The following GLT1D1 variants were observed in gnomAD, a reference collection of about 807,000 sequenced individuals.
GLT1D1 encodes glycosyltransferase 1 domain containing 1.
GLT1D1 carries 21 observed loss-of-function variants against 28.7 expected under a neutral mutation model. The observed-to-expected ratio is 0.73, with a 90% CI of 0.52 to 1.05. GLT1D1 has a LOEUF of 1.05. Ranked by LOEUF, GLT1D1 falls within the 50% of genes least tolerant of loss-of-function variation. The pLI, the probability that GLT1D1 is intolerant of heterozygous loss-of-function variation, is 0.00. For missense variants in GLT1D1, 343 were observed against 330.6 expected (o/e 1.04, Z -0.29); for synonymous variants, 147 against 124.8 (o/e 1.18, Z -1.19).
chr12:128,945,488 C>T (rs1237179225), intron 5 of GLT1D1, 119 bp downstream of exon 9: 1 of 856,708 alleles, frequency 1.2e-6, no homozygotes, highest in Admixed American at 1.8e-5. Flanking sequence ...CAACTGTTTC[C>T]TCATGCATCT....
chr12:128,926,506 C>T, intron 4 of GLT1D1, 52 bp downstream of exon 7: 1 of 924,422 alleles, frequency 1.1e-6, no homozygotes, highest in Non-Finnish European at 1.7e-6. Context: ...CTTGTGGGCG[C>T]CCATCTCAGC....
chr12:128,890,012 G>A (rs890710011), intron 3 of GLT1D1, among the ~76,000 whole-genome samples: 4 of 152,148 alleles, frequency 2.6e-5, no homozygotes, highest in Admixed American at 6.5e-5. Flanking sequence ...GGCCTCAAGC[G>A]ATCCACCTGC....
At chr12:128,945,263 T>C (rs1253667824) in intron 4 of GLT1D1, 63 bp from the exon 9 acceptor site, 46 of 1,554,910 alleles carry the variant, frequency 3.0e-5, no homozygotes, top group Non-Finnish European at 3.1e-5. Flanking sequence ...TGGCCCGTGC[T>C]GGCCGGCTGG....
intron 4 of GLT1D1, among the ~76,000 whole-genome samples, chr12:128,920,224 CT>C (rs568138004): frequency 4.0e-5 from 6 of 151,370 alleles, no homozygotes; most frequent in Non-Finnish European, 7.4e-5. Flanking sequence ...GACTGAAGTA[CT>C]TTTTTTTTGT....
At chr12:128,958,059 A>C (rs1378886410) in intron 7 of GLT1D1, among the ~76,000 whole-genome samples, 2 of 152,284 alleles carry the variant, frequency 1.3e-5, no homozygotes, top group Non-Finnish European at 2.9e-5. Flanking sequence ...GTGTAAATAC[A>C]GAAACACGTG....
chr12:128,981,962 C>T (rs34953620), intron 7 of GLT1D1, among the ~76,000 whole-genome samples: 8 of 152,164 alleles, frequency 5.3e-5, no homozygotes, highest in Non-Finnish European at 1.2e-4. Flanking sequence ...CTTACACACG[C>T]GCATGGAGAG....
intron 4 of GLT1D1, among the ~76,000 whole-genome samples, chr12:128,938,058 A>G (rs1301592024): frequency 6.6e-6 from 1 of 152,222 alleles, no homozygotes; most frequent in Non-Finnish European, 1.5e-5. Context: ...TTGGACAGAA[A>G]CTAGAGAGGC....
Position 128,924,438 on chromosome 12 carries a change from G to GA in GLT1D1, c.376-20879dup, listed in dbSNP as rs1264792027. On this transcript the variant is annotated intron_variant, in intron 4 of 7. Transcript: ENST00000281703. ...TGAGACTTGGTCTCAAAAAAAAAAA[G>GA]AAAAAAAAAGAAAAAGCCTCTTTTA... 7.3e-3 allele frequency among the ~76,000 whole-genome samples: 1,041 copies of GA among 142,106 alleles called. 12 individuals carry two copies. Among genetic ancestry groups the GA allele is most frequent in the African/African-American group, 0.024 (970 of 39,826 alleles). The allele number at this position is 142,106 out of a possible 152,430, so 93.2% of individuals were successfully genotyped here.
At chr12:128,882,958 A>C (rs1283384218) in intron 2 of GLT1D1, among the ~76,000 whole-genome samples, 2 of 149,932 alleles carry the variant, frequency 1.3e-5, no homozygotes, top group East Asian at 4.0e-4. Flanking sequence ...ACGGAGTCTC[A>C]CTCTGTCGCC....
intron 7 of GLT1D1, among the ~76,000 whole-genome samples, chr12:128,960,533 G>A (rs1283042589): frequency 1.3e-5 from 2 of 152,092 alleles, no homozygotes; most frequent in Non-Finnish European, 2.9e-5. Context: ...TGAGGTGGGT[G>A]GATTGCCAGA....
chr12:128,878,246 C>G (rs999158045), intron 2 of GLT1D1, among the ~76,000 whole-genome samples: 1 of 152,128 alleles, frequency 6.6e-6, no homozygotes, highest in African/African-American at 2.4e-5. Flanking sequence ...AATGGAAGCC[C>G]ACCGCTGAAT....
chr12:128,869,122 G>T (rs914517207), intron 1 of GLT1D1, among the ~76,000 whole-genome samples: 1 of 152,198 alleles, frequency 6.6e-6, no homozygotes, highest in Non-Finnish European at 1.5e-5. Context: ...GCCCGCCTTG[G>T]CCTCCCAGAG....
At chr12:128,874,059 C>CCCTT (rs1555261542) in intron 1 of GLT1D1, among the ~76,000 whole-genome samples, 12 of 34,698 alleles carry the variant, frequency 3.5e-4, no homozygotes, top group African/African-American at 1.4e-3. Context: ...CTCCCTCCCT[C>CCCTT]CTTTCTTTCT....
chr12:128,892,599 G>A (rs538781602), intron 3 of GLT1D1, among the ~76,000 whole-genome samples: 171 of 152,226 alleles, frequency 1.1e-3, no homozygotes, highest in Middle Eastern at 3.4e-3. Context: ...CGAGGTTAGT[G>A]GGCAGGAAAG....
At chr12:128,899,164 A>C in intron 3 of GLT1D1, 72 bp from the exon 4 acceptor site, 1 of 1,128,032 alleles carries the variant, frequency 8.9e-7, no homozygotes, top group African/African-American at 1.5e-5. Context: ...AATTTGTTCC[A>C]AAGAGCTGTT....
intron 7 of GLT1D1, among the ~76,000 whole-genome samples, chr12:128,963,881 C>T (rs780055068): frequency 6.6e-6 from 1 of 152,202 alleles, no homozygotes; most frequent in Non-Finnish European, 1.5e-5. Flanking sequence ...GGTAGCATGC[C>T]CTCTGCATCA....
At chr12:128,955,072 G>C (rs907405152) in intron 6 of GLT1D1, among the ~76,000 whole-genome samples, 8 of 152,134 alleles carry the variant, frequency 5.3e-5, no homozygotes, top group Admixed American at 2.0e-4. Flanking sequence ...CAAACAGCTG[G>C]GGAAGGTTGA....
intron 4 of GLT1D1, among the ~76,000 whole-genome samples, chr12:128,934,431 T>C (rs1025364304): frequency 4.6e-5 from 7 of 152,132 alleles, no homozygotes; most frequent in African/African-American, 1.7e-4. Flanking sequence ...TGACTTCAGG[T>C]GATCCACCCG....
chr12:128,976,358 C>T (rs982335398), intron 7 of GLT1D1, among the ~76,000 whole-genome samples: 4 of 152,086 alleles, frequency 2.6e-5, no homozygotes, highest in African/African-American at 9.7e-5. Flanking sequence ...GTATGTGGGG[C>T]GTGTGTGTTT....
Sources: gnomAD v4.1 joint callset for allele counts (sites outside exome capture counted in the v4.1 genomes callset) on GRCh38, gnomAD v4.1.1 for gene constraint, MANE v1.5 for transcripts, NCBI Gene and HGNC (gene_info 2026-07-23, HGNC 2026-07-21) for gene names.